Variants in COG5 observed in about 807,000 individuals in gnomAD.
COG5 encodes the protein conserved oligomeric Golgi complex subunit 5.
In COG5, 86 loss-of-function variants were observed where a neutral mutation model predicts 110.4. That is an observed-to-expected ratio of 0.78 (90% CI 0.65 to 0.93). The LOEUF (loss-of-function observed/expected upper bound fraction) is 0.93. COG5 is among the 40% of genes least tolerant of loss of function. COG5 has a pLI of 0.00. For missense variants in COG5, 1,077 were observed against 987.0 expected, an observed-to-expected ratio of 1.09 and a Z score of -1.22; for synonymous variants, 360 against 334.6, an observed-to-expected ratio of 1.08 and a Z score of -0.83.
At chr7:107,251,490 T>G (rs988339541) in intron 16 of COG5, among the ~76,000 whole-genome samples, 1 of 152,078 alleles carries the variant, frequency 6.6e-6, no homozygotes, top group Non-Finnish European at 1.5e-5. Flanking sequence ...ATAAACTTGC[T>G]TTTACTTAAA....
chr7:107,457,765 A>G (rs952446906), intron 6 of COG5, among the ~76,000 whole-genome samples: 1 of 152,172 alleles, frequency 6.6e-6, no homozygotes, highest in Non-Finnish European at 1.5e-5. Context: ...GAAAGAGAAT[A>G]ATGTTCTAAG....
chr7:107,562,424 CCAACCCCCAGTTAT>C (rs1803907125), intron 1 of COG5, among the ~76,000 whole-genome samples: 1 of 152,164 alleles, frequency 6.6e-6, no homozygotes. Context: ...TAACCAGTTT[CCAACCCCCAGTTAT>C]CATTCTCCTC....
At chr7:107,530,650 C>T (rs771365264) in intron 5 of COG5, among the ~76,000 whole-genome samples, 1 of 151,428 alleles carries the variant, frequency 6.6e-6, no homozygotes, top group Non-Finnish European at 1.5e-5. Flanking sequence ...ACTCCAACCC[C>T]CTTTTTAGTA....
At chr7:107,259,538 A>C (rs1803155925) in intron 14 of COG5, among the ~76,000 whole-genome samples, 1 of 152,066 alleles carries the variant, frequency 6.6e-6, no homozygotes, top group African/African-American at 2.4e-5. Flanking sequence ...GGCACTCTGG[A>C]AGTGTAAGTG....
At chr7:107,522,527 A>G (rs1050626763) in intron 6 of COG5, among the ~76,000 whole-genome samples, 10 of 152,316 alleles carry the variant, frequency 6.6e-5, no homozygotes, top group African/African-American at 1.9e-4. Flanking sequence ...GCAAACCACC[A>G]TGGCGCATGT....
intron 6 of COG5, among the ~76,000 whole-genome samples, chr7:107,460,583 T>A (rs933067399): frequency 2.0e-5 from 3 of 151,898 alleles, no homozygotes; most frequent in Non-Finnish European, 4.4e-5. Context: ...TTTACCAAAG[T>A]AGAGAAGAAA....
intron 6 of COG5, among the ~76,000 whole-genome samples, chr7:107,509,477 G>T (rs899704334): frequency 6.6e-6 from 1 of 152,194 alleles, no homozygotes; most frequent in African/African-American, 2.4e-5. Flanking sequence ...ACACTCTGCA[G>T]GATATTATCC....
intron 6 of COG5, among the ~76,000 whole-genome samples, chr7:107,485,682 C>A (rs1407436208): frequency 6.6e-6 from 1 of 152,048 alleles, no homozygotes; most frequent in Non-Finnish European, 1.5e-5. Flanking sequence ...ATTATAAAAG[C>A]ACTTTTAAAG....
At chr7:107,232,466 T>A (rs1800846922) in intron 18 of COG5, among the ~76,000 whole-genome samples, 2 of 152,364 alleles carry the variant, frequency 1.3e-5, no homozygotes, top group Admixed American at 1.3e-4. Context: ...TTTTTGTCAA[T>A]TTCTCAACTA....
chr7:107,332,130 G>C (rs1810306926), intron 10 of COG5, among the ~76,000 whole-genome samples: 1 of 152,178 alleles, frequency 6.6e-6, no homozygotes, highest in Admixed American at 6.5e-5. Flanking sequence ...TTACAGGCAT[G>C]AGCCACCACA....
chr7:107,513,013 A>C (rs1369574571), intron 6 of COG5, among the ~76,000 whole-genome samples: 2 of 152,166 alleles, frequency 1.3e-5, no homozygotes, highest in Admixed American at 6.5e-5. Flanking sequence ...TAAAACACCA[A>C]AAGCAATGGC....
intron 7 of COG5, among the ~76,000 whole-genome samples, chr7:107,411,079 C>G (rs1368184060): frequency 3.9e-5 from 6 of 152,042 alleles, no homozygotes; most frequent in Non-Finnish European, 8.8e-5. Flanking sequence ...AGATGGGAGA[C>G]ACAAAAGGAT....
chr7:107,362,038 C>T lies in COG5; in HGVS notation c.1021G>A (p.Val341Ile). The change falls in exon 10 of 22, where the codon GTT becomes ATT. Residue 341 changes from valine to isoleucine, a missense_variant. Transcript: ENST00000297135. The part of the protein sequence containing the change: ...VSHICFIEEI[V>I]KDGQPEIFYT... Reference sequence around the variant, plus strand: ...ATATTTTCCTTTAAACATACCTTAACTATTTCTTCAATGAAACAAATGTGA... The same window carrying T: ...ATATTTTCCTTTAAACATACCTTAATTATTTCTTCAATGAAACAAATGTGA... The T allele has an allele frequency of 2.5e-6, 4 of 1,594,322 alleles. No individual in the cohort carries two copies. The highest frequency in any genetic ancestry group is 2.6e-6 in the Non-Finnish European group (3 of 1,163,604).
At chr7:107,497,893 C>T (rs1798380418) in intron 6 of COG5, among the ~76,000 whole-genome samples, 1 of 151,946 alleles carries the variant, frequency 6.6e-6, no homozygotes, top group African/African-American at 2.4e-5. Context: ...TATATACATA[C>T]ACAAAGCTAT....
chr7:107,310,099 C>CT (rs1268818074), intron 11 of COG5, among the ~76,000 whole-genome samples: 2 of 152,084 alleles, frequency 1.3e-5, no homozygotes, highest in Non-Finnish European at 2.9e-5. Context: ...TTCCTCATTC[C>CT]TTTTTTCCCC....
chr7:107,268,955 T>C (rs1804022180), intron 14 of COG5, among the ~76,000 whole-genome samples: 1 of 152,182 alleles, frequency 6.6e-6, no homozygotes, highest in Non-Finnish European at 1.5e-5. Flanking sequence ...GTTTAGTATA[T>C]TTATATTTAT....
intron 6 of COG5, among the ~76,000 whole-genome samples, chr7:107,504,698 G>T (rs905694585): frequency 6.6e-6 from 1 of 151,900 alleles, no homozygotes; most frequent in Non-Finnish European, 1.5e-5. Flanking sequence ...GTCTGCTCAG[G>T]GTTTCTATTT....
At chr7:107,544,104 G>A (rs1170885010) in intron 5 of COG5, among the ~76,000 whole-genome samples, 2 of 152,064 alleles carry the variant, frequency 1.3e-5, no homozygotes, top group African/African-American at 4.8e-5. Flanking sequence ...TGGACCCAGA[G>A]TCCAGGCTTA....
chr7:107,336,027 A>G (rs1810672126), intron 10 of COG5, among the ~76,000 whole-genome samples: 1 of 152,204 alleles, frequency 6.6e-6, no homozygotes, highest in African/African-American at 2.4e-5. Flanking sequence ...ATAGTAGAGA[A>G]CTTCAAAACC....
Sources: allele counts gnomAD v4.1 joint callset (sites outside exome capture counted in the v4.1 genomes callset), GRCh38; gene constraint gnomAD v4.1.1; transcripts MANE v1.5; gene names NCBI Gene and HGNC (gene_info 2026-07-23, HGNC 2026-07-21).